Variants in ARNT observed in about 807,000 individuals in gnomAD.
ARNT encodes the protein aryl hydrocarbon receptor nuclear translocator.
In ARNT, 30 loss-of-function variants were observed where a neutral mutation model predicts 105.0. The ratio of observed to expected loss-of-function variants is 0.29; its 90% CI spans 0.21 to 0.39. ARNT has a LOEUF of 0.39. Among genes scored for constraint, ARNT ranks in the 10% least tolerant of loss-of-function variants. The probability of loss-of-function intolerance (pLI) is 1.00; values close to 1 mark genes in which losing one functional copy is unlikely to be tolerated. For missense variants in ARNT, 748 were observed against 978.7 expected (o/e 0.76, Z 3.15); for synonymous variants, 304 against 344.0 (o/e 0.88, Z 1.29).
rs1666639268 is a variant in ARNT, at chr1:150,866,685, A to G, written c.26-8225T>C. 2.0e-5 allele frequency among the ~76,000 whole-genome samples: 3 copies of G among 150,546 alleles called. No homozygotes were observed. In the South Asian group the frequency reaches 6.2e-4, roughly 31 times the overall value. ...AAATAACTTTTATATATGTATGTATACACACATACATATACACACACACAC... is the reference window on the plus strand; with the variant it reads ...AAATAACTTTTATATATGTATGTATGCACACATACATATACACACACACAC... On this transcript the variant is annotated intron_variant, in intron 1 of 21. Coordinates refer to ENST00000358595, the MANE Select transcript of ARNT (RefSeq NM_001668.4).
chr1:150,873,302 AAAC>A (rs1171728502), intron 1 of ARNT, among the ~76,000 whole-genome samples: 3 of 103,582 alleles, frequency 2.9e-5, no homozygotes, highest in Admixed American at 1.1e-4. Context: ...ACAAACAAAC[AAAC>A]AAAAAAAAAA....
chr1:150,815,632 G>A (rs1466999306), intron 19 of ARNT, among the ~76,000 whole-genome samples: 1 of 151,922 alleles, frequency 6.6e-6, no homozygotes, highest in African/African-American at 2.4e-5. Context: ...GGCTGAGGTG[G>A]GCGGATCACA....
chr1:150,836,520 A>G, intron 6 of ARNT, 27 bp from the exon 7 acceptor site: 2 of 1,601,184 alleles, frequency 1.2e-6, no homozygotes, highest in Non-Finnish European at 1.7e-6. Context: ...AATAGAAGTT[A>G]ATATTTTACT....
intron 2 of ARNT, chr1:150,853,060 C>T: frequency 2.2e-6 from 1 of 450,368 alleles, no homozygotes; most frequent in South Asian, 2.2e-5. Flanking sequence ...GTGGGTGGAT[C>T]ACCTGAGGTC....
intron 14 of ARNT, among the ~76,000 whole-genome samples, chr1:150,819,503 A>C (rs765435129): frequency 5.3e-4 from 81 of 152,376 alleles, no homozygotes; most frequent in Non-Finnish European, 9.4e-4. Flanking sequence ...ACCAAGAAGT[A>C]GAAACAACCA....
At chr1:150,852,291 C>A (rs1478253335) in intron 3 of ARNT, among the ~76,000 whole-genome samples, 1 of 152,152 alleles carries the variant, frequency 6.6e-6, no homozygotes, top group Non-Finnish European at 1.5e-5. Flanking sequence ...CACTTGCACA[C>A]TGGGATTTGT....
At chr1:150,857,601 A>G (rs1019424531) in intron 2 of ARNT, among the ~76,000 whole-genome samples, 4 of 152,214 alleles carry the variant, frequency 2.6e-5, no homozygotes, top group African/African-American at 9.6e-5. Context: ...AAAAGAAGGA[A>G]AAAGGAAAAT....
At chr1:150,850,794 G>A (rs1264475246) in intron 3 of ARNT, among the ~76,000 whole-genome samples, 1 of 150,926 alleles carries the variant, frequency 6.6e-6, no homozygotes, top group Admixed American at 6.6e-5. Context: ...TCTGGGAACT[G>A]AGGAGCGCCT....
At chr1:150,855,157 A>G (rs903912008) in intron 2 of ARNT, among the ~76,000 whole-genome samples, 1 of 152,190 alleles carries the variant, frequency 6.6e-6, no homozygotes, top group Non-Finnish European at 1.5e-5. Flanking sequence ...AAGTTTAGGT[A>G]CAAAGAAGTT....
rs1191107686 is a variant in ARNT at position 150,811,068 on chromosome 1, T to C, written c.*953A>G. 1 of 232,098 alleles carries C rather than the reference T, an allele frequency of 4.3e-6. No individual in the cohort carries two copies. Among genetic ancestry groups the C allele is most frequent in the East Asian group, 6.1e-5 (1 of 16,506 alleles). 14.4% of individuals were successfully genotyped at this position (232,098 alleles called of 1,614,324 possible). On this transcript the variant is annotated 3_prime_UTR_variant, in exon 22 of 22. Coordinates refer to ENST00000358595, the MANE Select transcript of ARNT (RefSeq NM_001668.4). ...GTGATTCTGACAGAAAAATGCAGCATTATCTTTATGGCCAAGTCTCGGGTT... is the reference window on the plus strand; with the variant it reads ...GTGATTCTGACAGAAAAATGCAGCACTATCTTTATGGCCAAGTCTCGGGTT...
intron 14 of ARNT, among the ~76,000 whole-genome samples, chr1:150,819,945 AAAAAAGAAACTG>A (rs1192316333): frequency 4.6e-5 from 7 of 152,220 alleles, no homozygotes; most frequent in Admixed American, 1.3e-4. Flanking sequence ...AAAACTTTTT[AAAAAAGAAACTG>A]AGAAAGAAAA....
At chr1:150,844,225 C>A (rs996872141) in intron 4 of ARNT, among the ~76,000 whole-genome samples, 3 of 152,154 alleles carry the variant, frequency 2.0e-5, no homozygotes, top group Non-Finnish European at 1.5e-5. Context: ...ACAAATTATT[C>A]TTCAAAAACC....
Position 150,818,000 on chromosome 1 carries a change from G to A in ARNT, c.1425C>T (p.Leu475=). The change falls in exon 15 of 22, where the codon CTC becomes CTT. Residue 475 remains leucine (L), a synonymous_variant. Coordinates refer to ENST00000358595, the MANE Select transcript of ARNT (RefSeq NM_001668.4). ...KNSSQEPRPT[L]SNTIQRPQLG... ...GTTGTGGCCTCTGGATTGTGTTGGA[G>A]AGTGTAGGCCGTGGTTCTTGGCTAG... 1.9e-6 allele frequency: 3 copies of A among 1,613,532 alleles called. No individual in the cohort carries two copies. The highest frequency in any genetic ancestry group is 2.2e-5 in the East Asian group (1 of 44,862).
intron 1 of ARNT, among the ~76,000 whole-genome samples, chr1:150,871,711 A>G (rs1667465395): frequency 7.2e-6 from 1 of 139,300 alleles, no homozygotes; most frequent in African/African-American, 2.6e-5. Flanking sequence ...GGAGTTCAAG[A>G]CCAGCCTGGC....
At chr1:150,860,218 C>CTT (rs756996050) in intron 1 of ARNT, among the ~76,000 whole-genome samples, 8 of 113,002 alleles carry the variant, frequency 7.1e-5, no homozygotes, top group African/African-American at 2.1e-4. Flanking sequence ...AAAAAAAATT[C>CTT]TTTTTTTTTT....
chr1:150,811,938 T>C lies in ARNT; in HGVS notation c.*83A>G, dbSNP rs765560362. On this transcript the variant is annotated 3_prime_UTR_variant, in exon 22 of 22. Transcript: ENST00000358595. ...GAGGGAAGGGAAGGGAGAGGAACTT[T>C]TATTCTGTTTACAGAAAGATTTGCT... 10 of 1,135,610 alleles carry C rather than the reference T, an allele frequency of 8.8e-6. No homozygotes were observed. Among genetic ancestry groups the C allele is most frequent in the Non-Finnish European group, 1.2e-5 (10 of 834,490 alleles). The allele number at this position is 1,135,610 out of a possible 1,614,324, so 70.3% of individuals were successfully genotyped here.
intron 1 of ARNT, among the ~76,000 whole-genome samples, chr1:150,864,330 G>A (rs977553878): frequency 2.0e-5 from 3 of 151,980 alleles, no homozygotes; most frequent in Non-Finnish European, 4.4e-5. Context: ...ACTGTGAAGA[G>A]CTGTAAAGAA....
chr1:150,817,962 G>A lies in ARNT; in HGVS notation c.1463C>T (p.Ala488Val). The change falls in exon 15 of 22, where the codon GCT (alanine) becomes GTT (valine). Residue 488 changes from alanine (A) to valine (V), a missense_variant. Ala to Val is a moderately conservative substitution (Grantham distance 64). Transcript: ENST00000358595. ...TGAGCCCATCTCCAGGGGTAAATTA[G>A]CTGTGGGACCTAGTTGTGGCCTCTG... The part of the protein sequence containing the change: ...TIQRPQLGPT[A>V]NLPLEMGSGQ... The A allele has an allele frequency of 6.2e-7, 1 of 1,613,828 alleles. No individual in the cohort carries two copies. Among genetic ancestry groups the A allele is most frequent in the South Asian group, 1.1e-5 (1 of 90,980 alleles).
At chr1:150,833,702 AG>A (rs1264950949) in intron 8 of ARNT, among the ~76,000 whole-genome samples, 3 of 151,186 alleles carry the variant, frequency 2.0e-5, no homozygotes, top group Non-Finnish European at 4.4e-5. Context: ...TATTTTCTAC[AG>A]AATCCTAAAA....
Sources: gnomAD v4.1 joint callset for allele counts (sites outside exome capture counted in the v4.1 genomes callset) on GRCh38, gnomAD v4.1.1 for gene constraint, MANE v1.5 for transcripts, NCBI Gene and HGNC (gene_info 2026-07-23, HGNC 2026-07-21) for gene names.